MYOCD: variants seen among roughly 807,000 people sequenced by gnomAD.
The protein encoded by MYOCD is myocardin.
A neutral mutation model predicts 96.1 loss-of-function variants in MYOCD; 32 were observed. The ratio of observed to expected loss-of-function variants is 0.33; its 90% CI spans 0.25 to 0.45. MYOCD has a LOEUF of 0.45. Ranked by LOEUF, MYOCD falls within the 20% of genes least tolerant of loss-of-function variation. The pLI, the probability that MYOCD is intolerant of heterozygous loss-of-function variation, is 1.00. For synonymous variants in MYOCD, 469 were observed against 469.0 expected (o/e 1.00, Z 0.00); for missense variants, 1,133 against 1,200.6 (o/e 0.94, Z 0.83).
rs1364797271 is a variant in MYOCD at position 12,705,139 on chromosome 17, A to G, written c.67A>G (p.Arg23Gly). 2 of 1,612,928 alleles carry G rather than the reference A, an allele frequency of 1.2e-6. No homozygotes were observed. The highest frequency in any genetic ancestry group is 2.7e-5 in the African/African-American group (2 of 74,904). ...RSKFRSVLQL[R>G]LQQRRTQEQL... is the part of the protein sequence containing the mutation. ...CTCCCTTTTCTAAGTTTTACAGTTA[A>G]GACTTCAACAAAGAAGGACCCAGGA... is the stretch of plus-strand genomic sequence containing the variant. Residue 23 changes from arginine to glycine, a missense_variant, in exon 2 of 14, where the codon AGA becomes GGA. By Grantham distance (125) the Arg-to-Gly change is moderately radical. Transcript: ENST00000425538.
At chr17:12,727,863 C>T (rs967431648) in intron 5 of MYOCD, among the ~76,000 whole-genome samples, 4 of 152,118 alleles carry the variant, frequency 2.6e-5, no homozygotes, top group Non-Finnish European at 4.4e-5. Context: ...TCTTGAGTAC[C>T]AGTTTCTGAT....
intron 2 of MYOCD, among the ~76,000 whole-genome samples, chr17:12,706,564 C>T (rs182676834): frequency 5.2e-4 from 79 of 152,288 alleles, no homozygotes; most frequent in African/African-American, 1.9e-3. Flanking sequence ...TAAAGTTGGA[C>T]TCATGTGCTT....
chr17:12,750,776 T>C (rs1358016272), intron 9 of MYOCD, among the ~76,000 whole-genome samples: 2 of 152,214 alleles, frequency 1.3e-5, no homozygotes, highest in African/African-American at 4.8e-5. Flanking sequence ...CAAATAGATA[T>C]ATATTCATTA....
At chr17:12,754,301 A>G (rs953387776) in intron 10 of MYOCD, among the ~76,000 whole-genome samples, 3 of 152,138 alleles carry the variant, frequency 2.0e-5, no homozygotes, top group East Asian at 1.9e-4. Flanking sequence ...ACAGAGTTTC[A>G]CCATGTTGGC....
At chr17:12,715,469 C>G in intron 2 of MYOCD, 50 bp from the exon 3 acceptor site, 1 of 1,543,266 alleles carries the variant, frequency 6.5e-7, no homozygotes, top group Non-Finnish European at 8.9e-7. Context: ...GCGATACAGA[C>G]CAATGCCCTT....
intron 1 of MYOCD, among the ~76,000 whole-genome samples, chr17:12,688,752 T>G (rs906397964): frequency 6.6e-5 from 10 of 151,510 alleles, no homozygotes; most frequent in African/African-American, 2.2e-4. Flanking sequence ...CTTCCTTGCT[T>G]CCTTCCTTCC....
rs36211306 is a variant in MYOCD, at chr17:12,676,245, G to GCACA, written c.55+10047_55+10050dup. On this transcript the variant is annotated intron_variant, in intron 1 of 13. Coordinates refer to ENST00000425538, the MANE Select transcript of MYOCD (RefSeq NM_001146312.3). ...TAGCACCCTCCCCCTGCGCGCGCAC[G>GCACA]CACACACACACACACACACACACAC... 4.9e-3 allele frequency among the ~76,000 whole-genome samples: 719 copies of GCACA among 145,640 alleles called. 3 individuals carry two copies. The highest frequency in any genetic ancestry group is 0.015 in the African/African-American group (595 of 39,882).
intron 1 of MYOCD, among the ~76,000 whole-genome samples, chr17:12,702,334 T>C (rs2031108254): frequency 6.6e-6 from 1 of 152,044 alleles, no homozygotes; most frequent in African/African-American, 2.4e-5. Context: ...TTGATGTCTA[T>C]TTTATGTGAT....
intron 3 of MYOCD, among the ~76,000 whole-genome samples, chr17:12,716,387 G>A (rs2031640936): frequency 2.0e-5 from 3 of 152,192 alleles, no homozygotes; most frequent in Admixed American, 2.0e-4. Context: ...GAGATCCACT[G>A]TAGTGAGATA....
chr17:12,678,738 C>A (rs986191348), intron 1 of MYOCD, among the ~76,000 whole-genome samples: 2 of 152,090 alleles, frequency 1.3e-5, no homozygotes, highest in African/African-American at 2.4e-5. Context: ...CTCTGTCACC[C>A]AGGCTGGAGT....
intron 1 of MYOCD, among the ~76,000 whole-genome samples, chr17:12,669,642 G>T (rs929859396): frequency 6.6e-6 from 1 of 151,456 alleles, no homozygotes; most frequent in Admixed American, 6.6e-5. Flanking sequence ...TTTCTGAGAC[G>T]GAGTCTCGCT....
chr17:12,682,250 C>A (rs922316445), intron 1 of MYOCD, among the ~76,000 whole-genome samples: 1 of 152,100 alleles, frequency 6.6e-6, no homozygotes, highest in Non-Finnish European at 1.5e-5. Context: ...TAATGCCAGG[C>A]AAAGGAAAGA....
chr17:12,731,545 A>G (rs915656851), intron 5 of MYOCD, among the ~76,000 whole-genome samples: 1 of 152,188 alleles, frequency 6.6e-6, no homozygotes, highest in African/African-American at 2.4e-5. Context: ...ACAGCAAGAA[A>G]TTATTAATCA....
chr17:12,742,666 G>T (rs1007910082), intron 7 of MYOCD, among the ~76,000 whole-genome samples: 1 of 151,956 alleles, frequency 6.6e-6, no homozygotes, highest in Non-Finnish European at 1.5e-5. Flanking sequence ...CACCTCCTGG[G>T]TTCAAGCTAT....
chr17:12,671,021 C>T (rs2150626753), intron 1 of MYOCD, among the ~76,000 whole-genome samples: 1 of 152,314 alleles, frequency 6.6e-6, no homozygotes, highest in African/African-American at 2.4e-5. Context: ...CAACCCCCAC[C>T]TTCCCTGCCC....
At chr17:12,730,520 C>T (rs1159590726) in intron 5 of MYOCD, among the ~76,000 whole-genome samples, 2 of 151,808 alleles carry the variant, frequency 1.3e-5, no homozygotes, top group Admixed American at 6.6e-5. Context: ...TTAGTCATTC[C>T]AACATCTACC....
At chr17:12,714,466 C>A (rs980686815) in intron 2 of MYOCD, among the ~76,000 whole-genome samples, 1 of 151,916 alleles carries the variant, frequency 6.6e-6, no homozygotes, top group Non-Finnish European at 1.5e-5. Context: ...CATTGGAACT[C>A]GGGATCATGT....
chr17:12,696,432 C>A (rs1435406025), intron 1 of MYOCD, among the ~76,000 whole-genome samples: 4 of 152,066 alleles, frequency 2.6e-5, no homozygotes, highest in African/African-American at 9.7e-5. Flanking sequence ...TGAGTATATA[C>A]CCACAGGTGA....
intron 9 of MYOCD, among the ~76,000 whole-genome samples, chr17:12,746,726 C>CTT (rs1312615639): frequency 3.9e-5 from 3 of 76,010 alleles, no homozygotes; most frequent in Admixed American, 1.7e-4. Flanking sequence ...ATGGTGCCTA[C>CTT]CTTTTTTTTT....
Sources: gnomAD v4.1 joint callset for allele counts (sites outside exome capture counted in the v4.1 genomes callset) on GRCh38, gnomAD v4.1.1 for gene constraint, MANE v1.5 for transcripts, NCBI Gene and HGNC (gene_info 2026-07-23, HGNC 2026-07-21) for gene names.